Variants in SEMA6D observed in about 807,000 individuals in gnomAD.
The protein encoded by SEMA6D is semaphorin 6D.
A neutral mutation model predicts 106.6 loss-of-function variants in SEMA6D; 35 were observed. The ratio of observed to expected loss-of-function variants is 0.33; its 90% CI spans 0.25 to 0.44. The LOEUF (loss-of-function observed/expected upper bound fraction) is 0.44, where lower values mean the gene tolerates loss of function less well. Ranked by LOEUF, SEMA6D falls within the 20% of genes least tolerant of loss-of-function variation. The pLI, the probability that SEMA6D is intolerant of heterozygous loss-of-function variation, is 1.00. For missense variants in SEMA6D, 1,185 were observed against 1,345.9 expected (o/e 0.88, Z 1.87); for synonymous variants, 499 against 487.7 (o/e 1.02, Z -0.31).
chr15:47,728,108 G>A (rs1302932483), intron 1 of SEMA6D, among the ~76,000 whole-genome samples: 1 of 152,180 alleles, frequency 6.6e-6, no homozygotes, highest in Non-Finnish European at 1.5e-5. Flanking sequence ...ACACAATGAA[G>A]CTGGGAGCAT....
intron 4 of SEMA6D, among the ~76,000 whole-genome samples, chr15:47,623,015 C>T (rs2077135817): frequency 1.3e-5 from 2 of 152,178 alleles, no homozygotes; most frequent in Admixed American, 6.5e-5. Flanking sequence ...CAGTCCACTA[C>T]CCACTGTAGT....
chr15:47,766,501 T>TC (rs2082348286), intron 15 of SEMA6D, 115 bp from the exon 16 acceptor site: 4 of 865,636 alleles, frequency 4.6e-6, no homozygotes, highest in South Asian at 1.6e-5. Context: ...TTTTTTTTTT[T>TC]TCTCTCTCTG....
intron 1 of SEMA6D, among the ~76,000 whole-genome samples, chr15:47,321,457 G>C (rs2036919344): frequency 6.6e-6 from 1 of 152,098 alleles, no homozygotes; most frequent in South Asian, 2.1e-4. Flanking sequence ...CACAATCTCA[G>C]AGTCAAAAAT....
At chr15:47,407,368 CAA>C (rs779136178) in intron 1 of SEMA6D, among the ~76,000 whole-genome samples, 2 of 47,870 alleles carry the variant, frequency 4.2e-5, no homozygotes, top group African/African-American at 8.6e-5. Flanking sequence ...GACTCTATCT[CAA>C]AAAAAAAAAA....
chr15:47,372,845 C>T (rs1032202917), intron 1 of SEMA6D, among the ~76,000 whole-genome samples: 1 of 152,108 alleles, frequency 6.6e-6, no homozygotes, highest in African/African-American at 2.4e-5. Flanking sequence ...TAATTCTAGT[C>T]GATAATCATA....
intron 3 of SEMA6D, among the ~76,000 whole-genome samples, chr15:47,538,883 T>C (rs913494825): frequency 1.3e-5 from 2 of 152,146 alleles, no homozygotes; most frequent in African/African-American, 4.8e-5. Flanking sequence ...GACACACCTT[T>C]AACAACCATG....
At chr15:47,425,679 T>TTTTTTTTTTTTTTTTTTTTTTTTC (rs2041309925) in intron 2 of SEMA6D, among the ~76,000 whole-genome samples, 1 of 151,786 alleles carries the variant, frequency 6.6e-6, no homozygotes, top group South Asian at 2.1e-4. Flanking sequence ...TTTCTTTTTT[T>TTTTTTTTTTTTTTTTTTTTTTTTC]TTTTTTTTTG....
rs376180029 is a variant in SEMA6D, at chr15:47,476,649, G to C, written c.-87+6104G>C. On this transcript the variant is annotated intron_variant, in intron 3 of 19. Coordinates refer to the SEMA6D transcript ENST00000558014. ...AGACAAACACTGGGAATGGGGGTGG[G>C]GGGAGCATGAATATATAAAGCAGTG... Among the ~76,000 whole-genome samples the C allele has an allele frequency of 7.9e-5, 12 of 152,054 alleles. No individual in the cohort carries two copies. The East Asian group carries it at 1.9e-3, about 24-fold the overall frequency.
intron 18 of SEMA6D, 68 bp downstream of exon 18, chr15:47,768,816 A>G: frequency 6.8e-7 from 1 of 1,471,084 alleles, no homozygotes; most frequent in Non-Finnish European, 9.2e-7. Flanking sequence ...ACTGAGGAGT[A>G]TGTGGTTCTC....
At chr15:47,671,550 C>A (rs985140941) in intron 4 of SEMA6D, among the ~76,000 whole-genome samples, 1 of 152,022 alleles carries the variant, frequency 6.6e-6, no homozygotes. Flanking sequence ...GATAATGGAA[C>A]GTATTCGGGG....
intron 1 of SEMA6D, among the ~76,000 whole-genome samples, chr15:47,205,462 C>T (rs1177814646): frequency 1.3e-5 from 2 of 152,030 alleles, no homozygotes; most frequent in Admixed American, 6.5e-5. Flanking sequence ...ATAAGTAAAC[C>T]TTCAGGTTAA....
At chr15:47,218,650 A>G (rs1439178053) in intron 1 of SEMA6D, among the ~76,000 whole-genome samples, 3 of 152,242 alleles carry the variant, frequency 2.0e-5, no homozygotes, top group Non-Finnish European at 2.9e-5. Context: ...TTCAAATGCT[A>G]TGATAGCCAA....
intron 1 of SEMA6D, among the ~76,000 whole-genome samples, chr15:47,729,318 G>A (rs185322049): frequency 2.6e-5 from 4 of 152,246 alleles, no homozygotes; most frequent in South Asian, 2.1e-4. Flanking sequence ...ACATGGAGTC[G>A]TTCATTTATT....
intron 3 of SEMA6D, among the ~76,000 whole-genome samples, chr15:47,590,134 T>C (rs1220135753): frequency 1.3e-5 from 2 of 152,116 alleles, no homozygotes; most frequent in African/African-American, 4.8e-5. Flanking sequence ...CCAACCCAAA[T>C]GTCCATCAAT....
At chr15:47,630,799 A>C (rs1566946561) in intron 4 of SEMA6D, among the ~76,000 whole-genome samples, 3 of 151,980 alleles carry the variant, frequency 2.0e-5, no homozygotes, top group East Asian at 1.9e-4. Flanking sequence ...GATTTTAAAA[A>C]TCATACATTG....
chr15:47,648,964 T>C (rs1330764177), intron 4 of SEMA6D, among the ~76,000 whole-genome samples: 1 of 152,220 alleles, frequency 6.6e-6, no homozygotes, highest in Non-Finnish European at 1.5e-5. Flanking sequence ...GAGGACCAAC[T>C]GAATATGTAG....
At chr15:47,649,750 G>A (rs939076835) in intron 4 of SEMA6D, among the ~76,000 whole-genome samples, 1 of 152,152 alleles carries the variant, frequency 6.6e-6, no homozygotes, top group Non-Finnish European at 1.5e-5. Flanking sequence ...ACCAACAGAT[G>A]GCGGTTCAAT....
In SEMA6D at chr15:47,405,540, G is replaced by A. The variant is rs75282141; in HGVS notation, c.-238-6853G>A. ...GCCTGAGGAGTCCAGGATCAGGGCTGTATACCAGCCTATAAAATGAATCAG... is the reference window on the plus strand; with the variant it reads ...GCCTGAGGAGTCCAGGATCAGGGCTATATACCAGCCTATAAAATGAATCAG... On this transcript the variant is annotated intron_variant, in intron 1 of 19. Coordinates refer to the SEMA6D transcript ENST00000558014. 5.2e-3 allele frequency among the ~76,000 whole-genome samples: 793 copies of A among 152,294 alleles called. 18 individuals are homozygous for A. Among genetic ancestry groups the A allele is most frequent in the East Asian group, 0.035 (181 of 5,168 alleles).
intron 1 of SEMA6D, among the ~76,000 whole-genome samples, chr15:47,294,166 C>CA (rs1237403942): frequency 8.9e-4 from 133 of 149,042 alleles, no homozygotes; most frequent in African/African-American, 3.0e-3. Flanking sequence ...GAAGGAAAAA[C>CA]AAAAAAAAAG....
Sources: allele counts gnomAD v4.1 joint callset (sites outside exome capture counted in the v4.1 genomes callset), GRCh38; gene constraint gnomAD v4.1.1; transcripts MANE v1.5; gene names NCBI Gene and HGNC (gene_info 2026-07-23, HGNC 2026-07-21).